Variants in TRIP4 observed in about 807,000 individuals in gnomAD.
TRIP4 encodes the protein thyroid hormone receptor interactor 4.
A neutral mutation model predicts 81.8 loss-of-function variants in TRIP4; 54 were observed. The observed-to-expected ratio is 0.66, with a 90% CI of 0.53 to 0.83. TRIP4 has a LOEUF of 0.83. TRIP4 is among the 40% of genes least tolerant of loss of function. The pLI is 0.00. For missense variants in TRIP4, 662 were observed against 683.6 expected (o/e 0.97, Z 0.35); for synonymous variants, 270 against 242.8 (o/e 1.11, Z -1.04).
intron 11 of TRIP4, among the ~76,000 whole-genome samples, chr15:64,429,728 G>T (rs78659827): frequency 0.048 from 7,362 of 152,178 alleles, 237 homozygotes; most frequent in South Asian, 0.09. Flanking sequence ...TATTCTCATA[G>T]GTCAACTCAC....
rs1211564562 is a variant in TRIP4 at position 64,435,260 on chromosome 15, G to A, written c.1575+9629G>A. ...AAAGATGCCGGGTGCAGTGGCTCAC[G>A]CCTGTAATCCCAGCACTTTGGGAGG... On this transcript the variant is annotated intron_variant, in intron 11 of 12. Coordinates refer to ENST00000261884, the MANE Select transcript of TRIP4 (RefSeq NM_016213.5). Among the ~76,000 whole-genome samples, 9 of 138,856 alleles carry A rather than the reference G, an allele frequency of 6.5e-5. No individual in the cohort carries two copies. The East Asian group carries it at 2.1e-3, about 33-fold the overall frequency. 91.1% of individuals were successfully genotyped at this position (138,856 alleles called of 152,430 possible).
At chr15:64,426,882 C>A (rs1892160552) in intron 11 of TRIP4, among the ~76,000 whole-genome samples, 1 of 151,208 alleles carries the variant, frequency 6.6e-6, no homozygotes, top group Non-Finnish European at 1.5e-5. Flanking sequence ...CGCTTATAGT[C>A]CCAACTATTC....
intron 1 of TRIP4, among the ~76,000 whole-genome samples, chr15:64,392,579 C>A (rs548515419): frequency 6.6e-6 from 1 of 151,936 alleles, no homozygotes; most frequent in Non-Finnish European, 1.5e-5. Flanking sequence ...GTGATCCACC[C>A]GCCTCAGCCT....
chr15:64,388,156 A>C (rs537293424), intron 1 of TRIP4, 192 bp downstream of exon 1: 26 of 1,040,446 alleles, frequency 2.5e-5, no homozygotes, highest in Middle Eastern at 6.9e-4. Context: ...CCGGCTCCAC[A>C]GTCTGCCGGT....
chr15:64,397,986 T>TGCCTCCCGGGTTCATGCCATTCTCC (rs1240561450), intron 4 of TRIP4, among the ~76,000 whole-genome samples, 168 bp downstream of exon 4: 3 of 152,064 alleles, frequency 2.0e-5, no homozygotes, highest in Admixed American at 1.3e-4. Flanking sequence ...CTGCAGGCTC[T>TGCCTCCCGGGTTCATGCCATTCTCC]GCCTCCCGGG....
intron 1 of TRIP4, among the ~76,000 whole-genome samples, chr15:64,392,253 GCA>G: frequency 6.6e-6 from 1 of 151,884 alleles, no homozygotes; most frequent in African/African-American, 2.4e-5. Context: ...AGCTGAGATC[GCA>G]CCACTGCACT....
chr15:64,447,605 C>T (rs995403049), intron 12 of TRIP4, among the ~76,000 whole-genome samples: 2 of 152,204 alleles, frequency 1.3e-5, no homozygotes, highest in African/African-American at 4.8e-5. Context: ...CCTACACATT[C>T]GAAGATCTGA....
Position 64,394,042 on chromosome 15 carries a change from A to G in TRIP4, c.198A>G (p.Glu66=). The G allele has an allele frequency of 6.2e-7, 1 of 1,611,990 alleles. No homozygotes were observed. Among genetic ancestry groups the G allele is most frequent in the Non-Finnish European group, 8.5e-7 (1 of 1,179,056 alleles). The part of the protein sequence containing the change: ...NEGKKGQFIE[E]LITKWQKNDQ... ...GCAAAAAAGGTCAATTCATAGAAGA[A>G]CTTATAACCAAATGGCAAAAGAATG... The change falls in exon 2 of 13, where the codon GAA becomes GAG. Residue 66 remains glutamate, a synonymous_variant. Coordinates refer to ENST00000261884, the MANE Select transcript of TRIP4 (RefSeq NM_016213.5).
At chr15:64,439,992 CAGT>C (rs1313713457) in intron 11 of TRIP4, among the ~76,000 whole-genome samples, 2 of 152,106 alleles carry the variant, frequency 1.3e-5, no homozygotes. Flanking sequence ...TCCACTGAAT[CAGT>C]GGTGGTTGAC....
intron 8 of TRIP4, 22 bp from the exon 9 acceptor site, chr15:64,418,519 G>T (rs780139180): frequency 1.9e-6 from 3 of 1,598,724 alleles, no homozygotes; most frequent in Non-Finnish European, 1.7e-6. Flanking sequence ...AGATAGAACT[G>T]TATGTTTGTT....
intron 9 of TRIP4, among the ~76,000 whole-genome samples, chr15:64,419,074 A>G (rs1891950181): frequency 6.6e-6 from 1 of 152,220 alleles, no homozygotes; most frequent in Non-Finnish European, 1.5e-5. Context: ...TTGCTTTGGA[A>G]TATACTACTA....
intron 1 of TRIP4, among the ~76,000 whole-genome samples, chr15:64,392,569 G>A (rs1277757558): frequency 1.3e-5 from 2 of 151,910 alleles, no homozygotes; most frequent in Non-Finnish European, 2.9e-5. Context: ...CTGACCTCAG[G>A]TGATCCACCC....
At chr15:64,403,903 T>C (rs1406609543) in intron 5 of TRIP4, among the ~76,000 whole-genome samples, 1 of 152,146 alleles carries the variant, frequency 6.6e-6, no homozygotes, top group Admixed American at 6.5e-5. Context: ...TGTCAAAATA[T>C]ATAAATAGCC....
At chr15:64,425,996 T>C (rs1322157820) in intron 11 of TRIP4, among the ~76,000 whole-genome samples, 1 of 152,000 alleles carries the variant, frequency 6.6e-6, no homozygotes, top group Admixed American at 6.6e-5. Context: ...GGCAGGAGAA[T>C]AGCTTGAACC....
At chr15:64,450,284 G>C (rs942643183) in intron 12 of TRIP4, among the ~76,000 whole-genome samples, 3 of 151,886 alleles carry the variant, frequency 2.0e-5, no homozygotes, top group African/African-American at 7.3e-5. Flanking sequence ...AGCTACTCGG[G>C]AGGCTGAGGC....
chr15:64,388,111 T>C, intron 1 of TRIP4, 147 bp downstream of exon 1: 1 of 1,300,536 alleles, frequency 7.7e-7, no homozygotes, highest in Non-Finnish European at 9.8e-7. Flanking sequence ...AATTTTGGCC[T>C]CCACCTTTGT....
chr15:64,389,893 G>A (rs761334285), intron 1 of TRIP4, among the ~76,000 whole-genome samples: 26 of 149,832 alleles, frequency 1.7e-4, no homozygotes, highest in Non-Finnish European at 3.3e-4. Flanking sequence ...CTAGAGATGG[G>A]GTTTCACCAT....
At chr15:64,445,875 C>A (rs974858960) in intron 12 of TRIP4, among the ~76,000 whole-genome samples, 2 of 152,038 alleles carry the variant, frequency 1.3e-5, no homozygotes, top group African/African-American at 4.8e-5. Context: ...TATTTGTCAG[C>A]CAAAAGAGTG....
intron 12 of TRIP4, chr15:64,450,823 T>C (rs1375327720): frequency 4.5e-6 from 2 of 448,758 alleles, no homozygotes; most frequent in African/African-American, 4.0e-5. Flanking sequence ...TCTGATGGGT[T>C]GATCTTACCT....
Sources: allele counts gnomAD v4.1 joint callset (sites outside exome capture counted in the v4.1 genomes callset), GRCh38; gene constraint gnomAD v4.1.1; transcripts MANE v1.5; gene names NCBI Gene and HGNC (gene_info 2026-07-23, HGNC 2026-07-21).